The following SELENOO variants were observed in gnomAD, a reference collection of about 807,000 sequenced individuals.
SELENOO encodes selenoprotein O, also known as protein adenylyltransferase SelO, mitochondrial.
SELENOO carries 74 observed loss-of-function variants against 58.7 expected under a neutral mutation model. That is an observed-to-expected ratio of 1.26 (90% CI 1.04 to 1.53). The LOEUF (loss-of-function observed/expected upper bound fraction) is 1.53. SELENOO is among the 40% of genes most tolerant of loss of function. SELENOO has a pLI of 0.00. For missense variants in SELENOO, 1,149 were observed against 970.0 expected, an observed-to-expected ratio of 1.18 and a Z score of -2.45; for synonymous variants, 543 against 453.2, an observed-to-expected ratio of 1.20 and a Z score of -2.52.
chr22:50,210,577 T>A, intron 4 of SELENOO, 54 bp from the exon 5 acceptor site: 1 of 1,610,108 alleles, frequency 6.2e-7, no homozygotes, highest in Non-Finnish European at 8.5e-7. Context: ...GGCTGCACCA[T>A]CTCCCGGGAA....
intron 6 of SELENOO, 95 bp downstream of exon 6, chr22:50,215,962 C>G: frequency 1.7e-6 from 2 of 1,196,010 alleles, no homozygotes; most frequent in Non-Finnish European, 2.3e-6. Context: ...ACAGAGCTGG[C>G]TGGGGCCCAG....
intron 2 of SELENOO, among the ~76,000 whole-genome samples, chr22:50,207,225 C>T (rs905277622): frequency 5.3e-5 from 8 of 152,124 alleles, no homozygotes; most frequent in Middle Eastern, 3.4e-3. Flanking sequence ...CGGGTTCAAG[C>T]GATTCTCCTA....
intron 6 of SELENOO, 106 bp from the exon 7 acceptor site, chr22:50,216,585 G>T: frequency 3.6e-6 from 4 of 1,106,026 alleles, no homozygotes; most frequent in Non-Finnish European, 3.9e-6. Context: ...TTGGGCCCTT[G>T]GACTCTAGGT....
At chr22:50,202,036 G>C (rs1164681745) in intron 1 of SELENOO, among the ~76,000 whole-genome samples, 2 of 151,870 alleles carry the variant, frequency 1.3e-5, no homozygotes, top group East Asian at 1.9e-4. Context: ...AGATTTCTGT[G>C]GGGGGGCACA....
chr22:50,201,445 G>C lies in SELENOO; in HGVS notation c.409G>C (p.Ala137Pro). The change falls in exon 1 of 9, where the codon GCG becomes CCG. Residue 137 changes from alanine (A) to proline (P), a missense_variant. Physicochemically the swap from Ala to Pro is conservative, Grantham distance 27. Coordinates refer to ENST00000380903, the MANE Select transcript of SELENOO (RefSeq NM_031454.2). ...NALLPGAEPA[A>P]HCYCGHQFGQ... ...GCTCCTGCCGGGCGCCGAGCCCGCC[G>C]CGCACTGCTACTGCGGCCACCAATT... 1 of 1,395,124 alleles carries C rather than the reference G, an allele frequency of 7.2e-7. No individual in the cohort carries two copies. The highest frequency in any genetic ancestry group is 9.4e-7 in the Non-Finnish European group (1 of 1,069,250). The allele number at this position is 1,395,124 out of a possible 1,614,324, so 86.4% of individuals were successfully genotyped here.
chr22:50,212,053 AT>A (rs2064374796), intron 5 of SELENOO, among the ~76,000 whole-genome samples: 1 of 151,982 alleles, frequency 6.6e-6, no homozygotes, highest in Non-Finnish European at 1.5e-5. Context: ...TATTTTGAGG[AT>A]TTTTGCATCT....
intron 6 of SELENOO, 89 bp downstream of exon 6, chr22:50,215,956 A>G: frequency 7.9e-7 from 1 of 1,264,622 alleles, no homozygotes; most frequent in Admixed American, 2.2e-5. Flanking sequence ...CTAGAGACAG[A>G]GCTGGCTGGG....
chr22:50,214,164 ATG>A (rs2064390416), intron 5 of SELENOO, among the ~76,000 whole-genome samples: 1 of 151,060 alleles, frequency 6.6e-6, no homozygotes, highest in Non-Finnish European at 1.5e-5. Context: ...TTGAGGGTGG[ATG>A]TGTCTCACTT....
Position 50,205,813 on chromosome 22 carries a change from C to T in SELENOO, c.555-504C>T, listed in dbSNP as rs1051551241. On this transcript the variant is annotated intron_variant, in intron 1 of 8. Transcript: ENST00000380903. The stretch of plus-strand genomic sequence containing the variant: ...AAGTGGCTGAGTGGCCTGAGGCCAG[C>T]GCTGTCGGAGCCTCGGGCGGGTTTT... 22 of 168,082 alleles carry T rather than the reference C, an allele frequency of 1.3e-4. 1 individual carries two copies. Among genetic ancestry groups the T allele is most frequent in the Middle Eastern group, 2.8e-3 (1 of 356 alleles). 10.4% of individuals were successfully genotyped at this position (168,082 alleles called of 1,614,324 possible).
intron 5 of SELENOO, among the ~76,000 whole-genome samples, chr22:50,214,996 C>A (rs2064395582): frequency 6.6e-6 from 1 of 152,240 alleles, no homozygotes; most frequent in Non-Finnish European, 1.5e-5. Flanking sequence ...GGGGGAGCTT[C>A]TGCCATGTTT....
Position 50,216,800 on chromosome 22 carries a change from C to CA in SELENOO, c.1612_1613insA (p.Arg538GlnfsTer20), listed in dbSNP as rs768316986. 6.2e-7 allele frequency: 1 copy of CA among 1,608,716 alleles called. No individual in the cohort carries two copies. The highest frequency in any genetic ancestry group is 1.3e-5 in the African/African-American group (1 of 75,024). ...GCTGGAGCGTGTGGAGCAGCAGTCT[C>CA]GGCTGGAGCAGCTGAGTGCGGCAGA... On this transcript the variant is annotated frameshift_variant, in exon 7 of 9. Coordinates refer to ENST00000380903, the MANE Select transcript of SELENOO (RefSeq NM_031454.2). LOFTEE classifies it high-confidence loss of function.
chr22:50,208,714 G>C lies in SELENOO; in HGVS notation c.937G>C (p.Glu313Gln). 1 of 1,611,274 alleles carries C rather than the reference G, an allele frequency of 6.2e-7. No individual in the cohort carries two copies. The highest frequency in any genetic ancestry group is 8.5e-7 in the Non-Finnish European group (1 of 1,178,888). ...GCAGAGAAATGCTGCCTTCTTCCGG[G>C]AGGTCAGTGGGCCGCACGCCACCCC... ...SVQRNAAFFR[E>Q]VTRRTARMVA... The change falls in exon 3 of 9, where the codon GAG becomes CAG. Residue 313 changes from glutamate to glutamine, a missense_variant and splice_region_variant. Glu to Gln is a conservative substitution (Grantham distance 29, BLOSUM62 2). Transcript: ENST00000380903.
intron 5 of SELENOO, among the ~76,000 whole-genome samples, chr22:50,214,480 CATG>C (rs1402824844): frequency 6.6e-6 from 1 of 152,210 alleles, no homozygotes; most frequent in Non-Finnish European, 1.5e-5. Context: ...ATTAGCCAGG[CATG>C]GTGGTGGGTG....
chr22:50,210,249 C>T lies in SELENOO; in HGVS notation c.1008C>T (p.Asn336=), dbSNP rs1173908213. The stretch of plus-strand genomic sequence containing the variant: ...TGGGCTTCTGCCACGGCGTGCTCAA[C>T]ACCGACAACATGAGCATCCTGGGGC... ...QCVGFCHGVL[N]TDNMSILGLT... The change falls in exon 4 of 9, where the codon AAC becomes AAT. Residue 336 remains asparagine, a synonymous_variant. Transcript: ENST00000380903. 1 of 1,613,490 alleles carries T rather than the reference C, an allele frequency of 6.2e-7. No individual in the cohort carries two copies.
rs1052995820 is a variant in SELENOO, at chr22:50,201,300, C to T, written c.264C>T (p.Thr88=). Reference sequence around the variant, plus strand: ...CCTGCTTCACCCGCGTGCAGCCCACCCCGCTGCGGCAGCCGCGCCTCGTGG... The same window carrying T: ...CCTGCTTCACCCGCGTGCAGCCCACTCCGCTGCGGCAGCCGCGCCTCGTGG... ...PGACFTRVQP[T]PLRQPRLVAL... Residue 88 remains threonine, a synonymous_variant, in exon 1 of 9, where the codon ACC becomes ACT. Transcript: ENST00000380903. 4 of 1,101,892 alleles carry T rather than the reference C, an allele frequency of 3.6e-6. No homozygotes were observed. The highest frequency in any genetic ancestry group is 1.7e-5 in the African/African-American group (1 of 59,468). The allele number at this position is 1,101,892 out of a possible 1,614,324, so 68.3% of individuals were successfully genotyped here.
Position 50,217,293 on chromosome 22 carries a change from C to A in SELENOO, c.1934C>A (p.Ala645Glu). 1.9e-6 allele frequency: 3 copies of A among 1,612,656 alleles called. No homozygotes were observed. The East Asian group carries it at 6.7e-5, about 36-fold the overall frequency. The change falls in exon 9 of 9, where the codon GCG (alanine) becomes GAG (glutamate). Residue 645 changes from alanine (A) to glutamate (E), a missense_variant. Coordinates refer to ENST00000380903, the MANE Select transcript of SELENOO (RefSeq NM_031454.2). ...TDAEATEADGADGRQRSYSSK... is the reference protein window; with the variant it reads ...TDAEATEADGEDGRQRSYSSK... Reference sequence around the variant, plus strand: ...GCCGAGGCCACGGAAGCCGACGGGGCGGACGGCAGGCAGCGCTCCTACAGC... The same window carrying A: ...GCCGAGGCCACGGAAGCCGACGGGGAGGACGGCAGGCAGCGCTCCTACAGC...
At position 50,217,583 on chromosome 22, in the gene SELENOO, C is replaced by T; in HGVS notation, c.*214C>T. 1.0e-6 allele frequency: 1 copy of T among 961,296 alleles called. No homozygotes were observed. The highest frequency in any genetic ancestry group is 2.7e-5 in the East Asian group (1 of 37,520). The allele number at this position is 961,296 out of a possible 1,614,324, so 59.5% of individuals were successfully genotyped here. On this transcript the variant is annotated 3_prime_UTR_variant, in exon 9 of 9. Transcript: ENST00000380903. ...TGCAGCCTGGTCCCTGGGGGCTGGA[C>T]CCAGGCTCCTAAATAAACCAGCAAC...
At chr22:50,209,979 G>T (rs1253946102) in intron 3 of SELENOO, among the ~76,000 whole-genome samples, 1 of 152,248 alleles carries the variant, frequency 6.6e-6, no homozygotes, top group Non-Finnish European at 1.5e-5. Flanking sequence ...ATATTAAAGA[G>T]TGGATGCTGT....
intron 5 of SELENOO, among the ~76,000 whole-genome samples, chr22:50,212,629 C>G (rs913764310): frequency 1.3e-5 from 2 of 152,228 alleles, no homozygotes; most frequent in Non-Finnish European, 2.9e-5. Flanking sequence ...CCTGCAGCCC[C>G]TGGTAGCAAC....
Sources: allele counts gnomAD v4.1 joint callset (sites outside exome capture counted in the v4.1 genomes callset), GRCh38; gene constraint gnomAD v4.1.1; transcripts MANE v1.5; gene names NCBI Gene and HGNC (gene_info 2026-07-23, HGNC 2026-07-21).